The following RBFOX2 variants were observed in gnomAD, a reference collection of about 807,000 sequenced individuals.
RBFOX2 encodes RNA binding fox-1 homolog 2, also known as RNA binding protein fox-1 homolog 2.
RBFOX2 carries 10 observed loss-of-function variants against 49.1 expected under a neutral mutation model. The ratio of observed to expected loss-of-function variants is 0.20; its 90% CI spans 0.13 to 0.35. RBFOX2 has a LOEUF of 0.35. Ranked by LOEUF, RBFOX2 falls within the 10% of genes least tolerant of loss-of-function variation. The pLI is 1.00. For missense variants in RBFOX2, 323 were observed against 486.9 expected (o/e 0.66, Z 3.17); for synonymous variants, 183 against 187.4 (o/e 0.98, Z 0.19).
rs563690360 is a variant in RBFOX2 at position 35,837,513 on chromosome 22, A to G, written c.27+2679T>C. ...AACACACACACACACACATGTGCACACACACACACACACGCAGGCACAACA... is the reference window on the plus strand; with the variant it reads ...AACACACACACACACACATGTGCACGCACACACACACACGCAGGCACAACA... On this transcript the variant is annotated intron_variant, in intron 1 of 11. Coordinates refer to ENST00000405409, the Ensembl canonical transcript of RBFOX2. Among the ~76,000 whole-genome samples, 89 of 152,218 alleles carry G rather than the reference A, an allele frequency of 5.8e-4. No individual in the cohort carries two copies. In the South Asian group the frequency reaches 0.018, roughly 31 times the overall value.
intron 1 of RBFOX2, among the ~76,000 whole-genome samples, chr22:35,913,548 A>G (rs930243761): frequency 1.0e-4 from 15 of 145,930 alleles, no homozygotes; most frequent in African/African-American, 2.3e-4. Context: ...GTGTATATGT[A>G]TGTGTGTGTG....
intron 1 of RBFOX2, chr22:35,897,994 T>C: frequency 2.7e-6 from 2 of 744,826 alleles, no homozygotes; most frequent in Non-Finnish European, 4.9e-6. Flanking sequence ...ATCAAAGTTT[T>C]TGGTTTCCCA....
At chr22:35,919,308 C>T (rs976214838) in intron 1 of RBFOX2, among the ~76,000 whole-genome samples, 2 of 152,282 alleles carry the variant, frequency 1.3e-5, no homozygotes, top group African/African-American at 2.4e-5. Flanking sequence ...GAGGCTGAGG[C>T]GCGTGGATCA....
chr22:35,828,603 G>C (rs2148620404), intron 1 of RBFOX2, among the ~76,000 whole-genome samples: 1 of 152,318 alleles, frequency 6.6e-6, no homozygotes, highest in Non-Finnish European at 1.5e-5. Flanking sequence ...AGCTCACACA[G>C]TGCCAAGAAT....
chr22:35,906,813 C>CCAAA (rs373509728), intron 1 of RBFOX2, among the ~76,000 whole-genome samples: 45 of 151,952 alleles, frequency 3.0e-4, no homozygotes, highest in African/African-American at 6.5e-4. Flanking sequence ...AGACTCTGTC[C>CCAAA]CAAACAAACA....
chr22:35,920,517 A>G (rs2050908476), intron 1 of RBFOX2, among the ~76,000 whole-genome samples: 1 of 152,190 alleles, frequency 6.6e-6, no homozygotes, highest in Admixed American at 6.5e-5. Flanking sequence ...AAACATGTTT[A>G]GTATTGCCTT....
intron 2 of RBFOX2, among the ~76,000 whole-genome samples, chr22:35,806,948 C>T (rs541682903): frequency 2.6e-5 from 4 of 152,136 alleles, no homozygotes; most frequent in South Asian, 4.2e-4. Flanking sequence ...GGATTACAGG[C>T]GCACACCACC....
intron 1 of RBFOX2, among the ~76,000 whole-genome samples, chr22:35,967,817 AC>A (rs1362135246): frequency 6.6e-6 from 1 of 152,190 alleles, no homozygotes; most frequent in Non-Finnish European, 1.5e-5. Flanking sequence ...ACCATTTACC[AC>A]TTTTCTTAAG....
At chr22:35,939,181 C>T (rs747311961), upstream of RBFOX2, 3 of 588,684 alleles carry the variant, frequency 5.1e-6, no homozygotes, top group Non-Finnish European at 9.6e-6. Flanking sequence ...GGTGCTACTG[C>T]GACTGGGGTC....
chr22:35,960,194 T>C (rs773934357), intron 1 of RBFOX2, among the ~76,000 whole-genome samples: 32 of 152,150 alleles, frequency 2.1e-4, no homozygotes, highest in Non-Finnish European at 3.4e-4. Flanking sequence ...CCGACAATAA[T>C]CACAGCAAGC....
In RBFOX2 at chr22:35,901,210, G is replaced by A. The variant is rs184513876; in HGVS notation, c.-34+37637C>T. Reference sequence around the variant, plus strand: ...ATAAAGAGCCAAAAGTTCAACGTTCGTTTTTAAGACTCCAAGATCATTTCC... The same window carrying A: ...ATAAAGAGCCAAAAGTTCAACGTTCATTTTTAAGACTCCAAGATCATTTCC... On this transcript the variant is annotated intron_variant, in intron 1 of 13. Coordinates refer to the RBFOX2 transcript ENST00000359369. 4.6e-5 allele frequency among the ~76,000 whole-genome samples: 7 copies of A among 152,232 alleles called. 1 individual carries two copies. The East Asian group carries it at 7.7e-4, about 17-fold the overall frequency.
intron 1 of RBFOX2, among the ~76,000 whole-genome samples, chr22:35,884,937 A>G (rs557574142): frequency 1.3e-5 from 2 of 152,074 alleles, no homozygotes; most frequent in Non-Finnish European, 2.9e-5. Context: ...AGTGCCTCCT[A>G]TCATAGGAGG....
At chr22:35,862,345 T>C (rs1569415511) in intron 1 of RBFOX2, among the ~76,000 whole-genome samples, 1 of 146,136 alleles carries the variant, frequency 6.8e-6, no homozygotes, top group African/African-American at 2.6e-5. Context: ...CTTAATGCAA[T>C]GAATTTTTGA....
chr22:35,970,143 C>T (rs934844851), intron 1 of RBFOX2, among the ~76,000 whole-genome samples: 1 of 152,152 alleles, frequency 6.6e-6, no homozygotes, highest in Non-Finnish European at 1.5e-5. Flanking sequence ...GGTTGCAATG[C>T]TATATTGCTA....
intron 1 of RBFOX2, among the ~76,000 whole-genome samples, chr22:36,005,357 T>C (rs959242506): frequency 1.3e-5 from 2 of 152,176 alleles, no homozygotes; most frequent in African/African-American, 4.8e-5. Context: ...ATGACCATAC[T>C]GCAAAAACGT....
intron 9 of RBFOX2, chr22:35,747,697 AT>A (rs959903993): frequency 6.6e-6 from 1 of 152,208 alleles, no homozygotes; most frequent in Admixed American, 6.5e-5. Flanking sequence ...GCAAATTTTT[AT>A]TATTGGCCTT....
intron 6 of RBFOX2, among the ~76,000 whole-genome samples, chr22:35,762,903 C>G (rs1260501242): frequency 1.3e-5 from 2 of 152,208 alleles, no homozygotes; most frequent in African/African-American, 4.8e-5. Context: ...CTGATTCAAT[C>G]CAATCTCTTA....
chr22:35,962,178 T>G (rs148107808), upstream of RBFOX2, among the ~76,000 whole-genome samples: 2 of 152,296 alleles, frequency 1.3e-5, no homozygotes, highest in Non-Finnish European at 2.9e-5. Context: ...CTTTAACCTC[T>G]TAGAAGATGG....
At chr22:35,814,358 T>C (rs190054551) in intron 1 of RBFOX2, among the ~76,000 whole-genome samples, 1 of 152,254 alleles carries the variant, frequency 6.6e-6, no homozygotes, top group East Asian at 1.9e-4. Context: ...ATATTACTTA[T>C]AATACCTAGT....
Sources: allele counts gnomAD v4.1 joint callset (sites outside exome capture counted in the v4.1 genomes callset), GRCh38; gene constraint gnomAD v4.1.1; transcripts MANE v1.5; gene names NCBI Gene and HGNC (gene_info 2026-07-23, HGNC 2026-07-21).